DLGAP2: variants seen among roughly 807,000 people sequenced by gnomAD.
DLGAP2 encodes the protein disks large-associated protein 2.
A neutral mutation model predicts 100.3 loss-of-function variants in DLGAP2; 26 were observed. The ratio of observed to expected loss-of-function variants is 0.26; its 90% CI spans 0.19 to 0.36. The LOEUF is 0.36. DLGAP2 is among the 10% of genes least tolerant of loss of function. The pLI, the probability that DLGAP2 is intolerant of heterozygous loss-of-function variation, is 1.00. For missense variants in DLGAP2, 1,858 were observed against 1,453.2 expected (o/e 1.28, Z -4.53); for synonymous variants, 886 against 630.1 (o/e 1.41, Z -6.08).
At chr8:1,368,253 T>A (rs1393235816) in intron 3 of DLGAP2, among the ~76,000 whole-genome samples, 1 of 152,084 alleles carries the variant, frequency 6.6e-6, no homozygotes, top group Non-Finnish European at 1.5e-5. Flanking sequence ...TGTGAGCATG[T>A]GTGTGCGTGT....
At chr8:1,046,070 C>T (rs188915320) in intron 2 of DLGAP2, among the ~76,000 whole-genome samples, 32 of 152,060 alleles carry the variant, frequency 2.1e-4, no homozygotes, top group Admixed American at 3.3e-4. Flanking sequence ...TATTGAGTCA[C>T]GGAAAGCAGC....
At chr8:880,234 C>T (rs1474682042) in intron 1 of DLGAP2, among the ~76,000 whole-genome samples, 2 of 152,196 alleles carry the variant, frequency 1.3e-5, no homozygotes, top group Admixed American at 6.5e-5. Context: ...CTCTTTTTGA[C>T]CACATCCTCC....
intron 2 of DLGAP2, among the ~76,000 whole-genome samples, chr8:924,889 C>A (rs1798781763): frequency 6.6e-6 from 1 of 152,076 alleles, no homozygotes; most frequent in Non-Finnish European, 1.5e-5. Context: ...CCTGGCCAAT[C>A]CAGGTTATTC....
intron 8 of DLGAP2, among the ~76,000 whole-genome samples, chr8:1,654,885 A>G (rs553291740): frequency 9.9e-5 from 15 of 152,170 alleles, no homozygotes; most frequent in Non-Finnish European, 1.9e-4. Context: ...CTGTACTTAG[A>G]AACATGTGAC....
In DLGAP2 at chr8:805,515, C is replaced by T. The variant is rs116052959; in HGVS notation, c.18+67690C>T. Among the ~76,000 whole-genome samples the T allele has an allele frequency of 5.8e-3, 889 of 152,314 alleles. 9 individuals are homozygous for T. The highest frequency in any genetic ancestry group is 0.02 in the African/African-American group (836 of 41,550). On this transcript the variant is annotated intron_variant, in intron 1 of 14. Coordinates refer to ENST00000637795, the MANE Select transcript of DLGAP2 (RefSeq NM_001346810.2). ...CCAAACTCAGATGGCTCCCAGCTCG[C>T]AATCGGGTTGCATTTCACAATGCCC...
intron 2 of DLGAP2, among the ~76,000 whole-genome samples, chr8:976,940 A>G (rs1036150562): frequency 6.6e-6 from 1 of 152,226 alleles, no homozygotes; most frequent in African/African-American, 2.4e-5. Context: ...GATAAGTTGA[A>G]CTTGCATTAA....
At position 1,232,282 on chromosome 8, in the gene DLGAP2, G is replaced by T. The variant is rs566105612; in HGVS notation, c.74-26569G>T. ...CCCGTGCTGAGGAGTGGGTTTTCCC[G>T]GCTTGGCTTTGCTGTTTGGACCTGA... On this transcript the variant is annotated intron_variant, in intron 2 of 14. Transcript: ENST00000637795. Among the ~76,000 whole-genome samples, 233 of 152,344 alleles carry T rather than the reference G, an allele frequency of 1.5e-3. 3 individuals carry two copies. Among genetic ancestry groups the T allele is most frequent in the South Asian group, 5.6e-3 (27 of 4,824 alleles).
rs182009976 is a variant in DLGAP2 at position 1,592,487 on chromosome 8, T to C, written c.1442+26593T>C. Among the ~76,000 whole-genome samples the C allele has an allele frequency of 2.5e-4, 38 of 152,128 alleles. 1 individual carries two copies. In the East Asian group the frequency reaches 5.4e-3, roughly 22 times the overall value. On this transcript the variant is annotated intron_variant, in intron 6 of 14. Transcript: ENST00000637795. ...ATGGTCCTGTTGCACATTTGCCCCC[T>C]GAAGCTCTGGAAAGCGGTCCCCAAA... is the stretch of plus-strand genomic sequence containing the variant.
chr8:1,071,794 G>A (rs59835069), intron 2 of DLGAP2, among the ~76,000 whole-genome samples: 4,545 of 152,244 alleles, frequency 0.03, 218 homozygotes, highest in African/African-American at 0.1. Flanking sequence ...ATGTGTGTGT[G>A]TCAATAAAAG....
intron 1 of DLGAP2, among the ~76,000 whole-genome samples, chr8:905,501 C>T (rs17667372): frequency 0.02 from 3,052 of 152,216 alleles, 52 homozygotes; most frequent in Middle Eastern, 0.044. Context: ...TAAAACAGGC[C>T]CTGGCAGATG....
chr8:1,096,121 T>C (rs1804357993), intron 2 of DLGAP2, among the ~76,000 whole-genome samples: 1 of 152,270 alleles, frequency 6.6e-6, no homozygotes, highest in African/African-American at 2.4e-5. Flanking sequence ...CACAAGTGTG[T>C]AAACGTGTTC....
At chr8:763,767 G>C (rs1473047425) in intron 1 of DLGAP2, among the ~76,000 whole-genome samples, 1 of 152,138 alleles carries the variant, frequency 6.6e-6, no homozygotes, top group Non-Finnish European at 1.5e-5. Flanking sequence ...ATGAGGTGTG[G>C]AAAACCCGAT....
intron 4 of DLGAP2, among the ~76,000 whole-genome samples, chr8:1,532,626 A>G (rs989232439): frequency 6.6e-6 from 1 of 152,234 alleles, no homozygotes; most frequent in African/African-American, 2.4e-5. Context: ...CATCCTAATC[A>G]TAACAGTATA....
chr8:1,291,356 G>A (rs558059666), intron 3 of DLGAP2, among the ~76,000 whole-genome samples: 2 of 152,214 alleles, frequency 1.3e-5, no homozygotes, highest in East Asian at 1.9e-4. Context: ...AAGCAAGCAG[G>A]AGTAGCTATT....
chr8:1,370,052 C>G (rs115077328), intron 3 of DLGAP2, among the ~76,000 whole-genome samples: 3 of 152,110 alleles, frequency 2.0e-5, no homozygotes, highest in Admixed American at 6.5e-5. Flanking sequence ...GTCCAGCCCC[C>G]ATTGGCCATT....
At chr8:1,653,611 C>T (rs1262611844) in intron 8 of DLGAP2, among the ~76,000 whole-genome samples, 1 of 152,200 alleles carries the variant, frequency 6.6e-6, no homozygotes. Context: ...GATCCGTGGG[C>T]AGAGGGCAAG....
chr8:1,282,579 A>G (rs1229469967), intron 3 of DLGAP2, among the ~76,000 whole-genome samples: 1 of 121,620 alleles, frequency 8.2e-6, no homozygotes, highest in Non-Finnish European at 1.7e-5. Context: ...CACATGAACC[A>G]TCTGGACATG....
At chr8:1,219,604 T>G (rs915773232) in intron 2 of DLGAP2, among the ~76,000 whole-genome samples, 1 of 152,200 alleles carries the variant, frequency 6.6e-6, no homozygotes, top group African/African-American at 2.4e-5. Context: ...TGCCAGGTTT[T>G]GGTATCAGAA....
rs147853906 is a variant in DLGAP2, at chr8:1,357,151, C to T, written c.106+98268C>T. Among the ~76,000 whole-genome samples the T allele has an allele frequency of 4.6e-3, 695 of 152,234 alleles. 7 individuals carry two copies. Among genetic ancestry groups the T allele is most frequent in the Non-Finnish European group, 6.6e-3 (450 of 67,996 alleles). ...ACTGCAGAAGACGTGTGCTCTTCAC[C>T]AGTCTGTGGACCAGGAAACGAGCCG... On this transcript the variant is annotated intron_variant, in intron 3 of 14. Coordinates refer to ENST00000637795, the MANE Select transcript of DLGAP2 (RefSeq NM_001346810.2).
Sources: allele counts gnomAD v4.1 joint callset (sites outside exome capture counted in the v4.1 genomes callset), GRCh38; gene constraint gnomAD v4.1.1; transcripts MANE v1.5; gene names NCBI Gene and HGNC (gene_info 2026-07-23, HGNC 2026-07-21).